HMCN1: variants seen among roughly 807,000 people sequenced by gnomAD.
The protein encoded by HMCN1 is hemicentin-1.
Under a neutral mutation model 625.9 loss-of-function variants are expected in HMCN1, and 321 were observed. That is an observed-to-expected ratio of 0.51 (90% CI 0.47 to 0.56). The LOEUF is 0.56. HMCN1 is among the 20% of genes least tolerant of loss of function. The pLI is 0.00. For missense variants in HMCN1, 6,588 were observed against 6,887.3 expected (o/e 0.96, Z 1.54); for synonymous variants, 2,425 against 2,417.6 (o/e 1.00, Z -0.09).
intron 40 of HMCN1, among the ~76,000 whole-genome samples, chr1:186,042,375 C>A (rs908371635): frequency 3.9e-5 from 6 of 152,158 alleles, no homozygotes; most frequent in South Asian, 4.1e-4. Flanking sequence ...CACAATAGTT[C>A]TTCAGTCATT....
At chr1:186,096,104 G>T (rs1017457538) in intron 68 of HMCN1, among the ~76,000 whole-genome samples, 2 of 152,120 alleles carry the variant, frequency 1.3e-5, no homozygotes, top group African/African-American at 4.8e-5. Flanking sequence ...CAATAACCAA[G>T]AGCTTTTGGC....
intron 1 of HMCN1, among the ~76,000 whole-genome samples, chr1:185,793,208 CTTA>C (rs1479500812): frequency 6.6e-6 from 1 of 152,100 alleles, no homozygotes; most frequent in Non-Finnish European, 1.5e-5. Flanking sequence ...ACAATACTAA[CTTA>C]TTATATTACA....
intron 42 of HMCN1, among the ~76,000 whole-genome samples, chr1:186,052,711 G>A (rs1001825100): frequency 3.9e-5 from 6 of 151,950 alleles, no homozygotes; most frequent in Non-Finnish European, 7.4e-5. Context: ...TTATAATAAA[G>A]TAGCTTCTTT....
At chr1:186,006,735 A>G (rs1051879168) in intron 29 of HMCN1, among the ~76,000 whole-genome samples, 7 of 151,626 alleles carry the variant, frequency 4.6e-5, no homozygotes, top group African/African-American at 1.7e-4. Context: ...CAAAATCTAT[A>G]CTGTAATATT....
chr1:185,837,005 GGTGT>G (rs60299246), intron 1 of HMCN1, among the ~76,000 whole-genome samples: 6 of 142,956 alleles, frequency 4.2e-5, no homozygotes, highest in Middle Eastern at 3.8e-3. Flanking sequence ...TATATTCCAT[GGTGT>G]GTGTGTGTGT....
At chr1:185,811,911 G>C (rs1321847422) in intron 1 of HMCN1, among the ~76,000 whole-genome samples, 1 of 152,178 alleles carries the variant, frequency 6.6e-6, no homozygotes, top group Non-Finnish European at 1.5e-5. Flanking sequence ...CTCAGTTAAT[G>C]AGGTGAACTA....
intron 1 of HMCN1, among the ~76,000 whole-genome samples, chr1:185,817,158 A>G (rs796536439): frequency 3.3e-5 from 5 of 152,342 alleles, no homozygotes; most frequent in African/African-American, 1.2e-4. Flanking sequence ...CAGCTCACCC[A>G]GAGTCCAGCA....
chr1:185,979,475 T>A (rs1390903426), intron 16 of HMCN1, among the ~76,000 whole-genome samples: 1 of 152,192 alleles, frequency 6.6e-6, no homozygotes, highest in Non-Finnish European at 1.5e-5. Flanking sequence ...CTCAATATCT[T>A]GAGCAACAGT....
intron 22 of HMCN1, among the ~76,000 whole-genome samples, chr1:185,990,980 T>C (rs1235985622): frequency 6.6e-6 from 1 of 152,202 alleles, no homozygotes; most frequent in Admixed American, 6.5e-5. Context: ...AATTTCTCTC[T>C]TACACTTAAA....
At chr1:185,832,335 A>C (rs1365679375) in intron 1 of HMCN1, among the ~76,000 whole-genome samples, 3 of 152,102 alleles carry the variant, frequency 2.0e-5, no homozygotes, top group Non-Finnish European at 4.4e-5. Context: ...TGGAAAAATA[A>C]TAAGCATGAA....
At chr1:185,922,039 A>G (rs1041281944) in intron 6 of HMCN1, among the ~76,000 whole-genome samples, 14 of 152,196 alleles carry the variant, frequency 9.2e-5, no homozygotes, top group African/African-American at 3.4e-4. Flanking sequence ...AACATCTACT[A>G]TGTTAACAAT....
chr1:186,101,967 G>A (rs955126611), intron 68 of HMCN1, among the ~76,000 whole-genome samples: 7 of 152,124 alleles, frequency 4.6e-5, no homozygotes, highest in African/African-American at 7.2e-5. Context: ...CAATGTAACC[G>A]TGATGGTACT....
At chr1:185,967,298 T>A (rs1002676644) in intron 14 of HMCN1, among the ~76,000 whole-genome samples, 23 of 152,122 alleles carry the variant, frequency 1.5e-4, no homozygotes, top group Non-Finnish European at 3.1e-4. Flanking sequence ...TTAGTCTTCA[T>A]GCCCATCTTA....
chr1:186,166,919 C>G lies in HMCN1; in HGVS notation c.15551C>G (p.Thr5184Ser), dbSNP rs142062263. ...CGTTGTGGAAGTGGCTTTCGAAGAACCTCTGATGGGCTGAGTTGTCAAGGT... is the reference window on the plus strand; with the variant it reads ...CGTTGTGGAAGTGGCTTTCGAAGAAGCTCTGATGGGCTGAGTTGTCAAGGT... ...VVRCGSGFRRTSDGLSCQDIN... is the reference protein window; with the variant it reads ...VVRCGSGFRRSSDGLSCQDIN... The change falls in exon 100 of 107, where the codon ACC becomes AGC. Residue 5184 changes from threonine (T) to serine (S), a missense_variant. Physicochemically the swap from Thr to Ser is moderately conservative, Grantham distance 58. Coordinates refer to ENST00000271588, the MANE Select transcript of HMCN1 (RefSeq NM_031935.3). The G allele has an allele frequency of 1.1e-5, 17 of 1,614,140 alleles. No homozygotes were observed. The highest frequency in any genetic ancestry group is 1.3e-5 in the African/African-American group (1 of 75,040).
At chr1:185,982,179 A>C (rs1651688585) in intron 17 of HMCN1, 83 bp from the exon 18 acceptor site, 1 of 1,314,620 alleles carries the variant, frequency 7.6e-7, no homozygotes, top group Non-Finnish European at 1.1e-6. Flanking sequence ...AGCATAACTA[A>C]CAGTCTTTGG....
intron 64 of HMCN1, among the ~76,000 whole-genome samples, chr1:186,091,302 T>C (rs1659830298): frequency 6.6e-6 from 1 of 152,036 alleles, no homozygotes; most frequent in Admixed American, 6.6e-5. Context: ...ATCTCACAAA[T>C]GATTCATCAA....
chr1:186,157,990 G>A (rs939048121), intron 97 of HMCN1, among the ~76,000 whole-genome samples: 2 of 151,682 alleles, frequency 1.3e-5, no homozygotes, highest in African/African-American at 4.9e-5. Context: ...GGTATTTCTA[G>A]TTCTAGATCC....
Position 186,018,303 on chromosome 1 carries a change from A to C in HMCN1, c.5421A>C (p.Ala1807=). ...VSNTGLYRCM[A]ANTAGDHKKE... The stretch of plus-strand genomic sequence containing the variant: ...ACACAGGCCTTTATCGGTGCATGGC[A>C]GCAAATACTGCTGGAGACCACAAGA... Residue 1807 remains alanine, a synonymous_variant, in exon 34 of 107, where the codon GCA becomes GCC. Coordinates refer to ENST00000271588, the MANE Select transcript of HMCN1 (RefSeq NM_031935.3). 6.2e-7 allele frequency: 1 copy of C among 1,613,038 alleles called. No homozygotes were observed. The highest frequency in any genetic ancestry group is 8.5e-7 in the Non-Finnish European group (1 of 1,179,188).
intron 1 of HMCN1, among the ~76,000 whole-genome samples, chr1:185,840,701 A>G (rs74970409): frequency 1.2e-3 from 183 of 152,202 alleles, no homozygotes; most frequent in African/African-American, 4.2e-3. Flanking sequence ...TAAGTTTTCA[A>G]CTGTGGTAGA....
Sources: gnomAD v4.1 joint callset for allele counts (sites outside exome capture counted in the v4.1 genomes callset) on GRCh38, gnomAD v4.1.1 for gene constraint, MANE v1.5 for transcripts, NCBI Gene and HGNC (gene_info 2026-07-23, HGNC 2026-07-21) for gene names.